The following PTPRN2 variants were observed in gnomAD, a reference collection of about 807,000 sequenced individuals.
The protein encoded by PTPRN2 is receptor-type tyrosine-protein phosphatase N2.
Under a neutral mutation model 118.8 loss-of-function variants are expected in PTPRN2, and 74 were observed. That is an observed-to-expected ratio of 0.62 (90% CI 0.52 to 0.76). The LOEUF is 0.76. Among genes scored for constraint, PTPRN2 ranks in the 30% least tolerant of loss-of-function variants. PTPRN2 has a pLI of 0.00. For missense variants in PTPRN2, 1,481 were observed against 1,394.4 expected (o/e 1.06, Z -0.99); for synonymous variants, 641 against 608.0 (o/e 1.05, Z -0.80).
chr7:157,730,157 G>A (rs919514169), intron 12 of PTPRN2, among the ~76,000 whole-genome samples: 58 of 151,522 alleles, frequency 3.8e-4, no homozygotes, highest in East Asian at 1.4e-3. Context: ...CCTGGGGATG[G>A]CACCTGAGTC....
chr7:157,737,070 T>C (rs1396144870), intron 12 of PTPRN2, among the ~76,000 whole-genome samples: 1 of 152,204 alleles, frequency 6.6e-6, no homozygotes, highest in African/African-American at 2.4e-5. Flanking sequence ...ACACCAGGCG[T>C]CTTGGATAAA....
chr7:157,564,635 T>C (rs1381092611), intron 21 of PTPRN2, among the ~76,000 whole-genome samples: 1 of 152,260 alleles, frequency 6.6e-6, no homozygotes, highest in Non-Finnish European at 1.5e-5. Flanking sequence ...ACTTGAAATG[T>C]CTGTTTTGCT....
At chr7:157,947,879 G>A (rs1800582551) in intron 11 of PTPRN2, among the ~76,000 whole-genome samples, 1 of 152,178 alleles carries the variant, frequency 6.6e-6, no homozygotes, top group Admixed American at 6.5e-5. Context: ...AAACCATGGA[G>A]GCCTGAAGGC....
At chr7:157,582,388 G>C (rs756378143) in intron 17 of PTPRN2, among the ~76,000 whole-genome samples, 1 of 152,208 alleles carries the variant, frequency 6.6e-6, no homozygotes, top group African/African-American at 2.4e-5. Flanking sequence ...TGGCCCGCAC[G>C]TATGTGAAAA....
chr7:157,973,560 A>G (rs545043500), intron 11 of PTPRN2, among the ~76,000 whole-genome samples: 258 of 152,324 alleles, frequency 1.7e-3, no homozygotes, highest in African/African-American at 5.9e-3. Flanking sequence ...AGCTGTCTAC[A>G]TGAGACACAG....
intron 3 of PTPRN2, among the ~76,000 whole-genome samples, chr7:158,307,113 C>A (rs962569521): frequency 6.6e-6 from 1 of 151,982 alleles, no homozygotes; most frequent in African/African-American, 2.4e-5. Flanking sequence ...GTGATCCACC[C>A]GCCTCGGCCT....
intron 11 of PTPRN2, among the ~76,000 whole-genome samples, chr7:158,047,806 C>G (rs1808996969): frequency 1.3e-5 from 2 of 152,218 alleles, no homozygotes; most frequent in Non-Finnish European, 2.9e-5. Context: ...AAGCACAGAG[C>G]AACATGCAGC....
At chr7:158,203,123 T>G (rs527983861) in intron 4 of PTPRN2, among the ~76,000 whole-genome samples, 117 of 148,118 alleles carry the variant, frequency 7.9e-4, no homozygotes, top group Middle Eastern at 7.3e-3. Flanking sequence ...TCCCAGCTAC[T>G]CAGGAGGCTG....
chr7:157,566,890 C>CT (rs1374002375), intron 21 of PTPRN2, among the ~76,000 whole-genome samples: 2 of 152,258 alleles, frequency 1.3e-5, no homozygotes, highest in African/African-American at 4.8e-5. Context: ...GTCCGGCCGC[C>CT]TGCCTGTGCT....
chr7:158,484,500 T>G (rs560055250), intron 2 of PTPRN2, among the ~76,000 whole-genome samples: 2 of 152,256 alleles, frequency 1.3e-5, no homozygotes, highest in East Asian at 3.9e-4. Context: ...GTAGCTGGGA[T>G]CACAGGCACG....
At chr7:158,392,653 G>A (rs1195515280) in intron 2 of PTPRN2, among the ~76,000 whole-genome samples, 1 of 152,186 alleles carries the variant, frequency 6.6e-6, no homozygotes, top group Non-Finnish European at 1.5e-5. Context: ...ACACATTGTA[G>A]ATCAATGTGT....
At position 157,953,579 on chromosome 7, in the gene PTPRN2, G is replaced by A. The variant is rs79644796; in HGVS notation, c.1724-54842C>T. On this transcript the variant is annotated intron_variant, in intron 11 of 22. Transcript: ENST00000389418. This position sits in a 1 kb window ranked among gnomAD's most constrained non-coding sequence, Gnocchi z 4.6. Reference sequence around the variant, plus strand: ...GGATCCACATGGCTGGAGGTCCGGTGTCCCTAAAGACTTCTATGACATCCT... The same window carrying A: ...GGATCCACATGGCTGGAGGTCCGGTATCCCTAAAGACTTCTATGACATCCT... Among the ~76,000 whole-genome samples, 1,689 of 152,238 alleles carry A rather than the reference G, an allele frequency of 0.011. 49 individuals are homozygous for A. Among genetic ancestry groups the A allele is most frequent in the African/African-American group, 0.039 (1,617 of 41,534 alleles).
chr7:157,888,497 C>T (rs1241280031), intron 12 of PTPRN2, among the ~76,000 whole-genome samples: 3 of 152,132 alleles, frequency 2.0e-5, no homozygotes, highest in East Asian at 1.9e-4. Flanking sequence ...CTCCAGGGGC[C>T]CCGTCAGGAA....
Position 158,546,106 on chromosome 7 carries a change from C to T in PTPRN2, c.112+41452G>A, listed in dbSNP as rs188609831. 9.5e-4 allele frequency among the ~76,000 whole-genome samples: 145 copies of T among 152,288 alleles called. 1 individual carries two copies. Among genetic ancestry groups the T allele is most frequent in the African/African-American group, 3.2e-3 (133 of 41,570 alleles). Reference sequence around the variant, plus strand: ...AAACTGGGCCAACGGCCCACAAACACGTGAGCCAGGTGAAGGGTCATGCAG... The same window carrying T: ...AAACTGGGCCAACGGCCCACAAACATGTGAGCCAGGTGAAGGGTCATGCAG... On this transcript the variant is annotated intron_variant, in intron 1 of 22. Transcript: ENST00000389418. The surrounding 1 kb of genome is among the most constrained non-coding windows in gnomAD (Gnocchi z 5.0).
At chr7:157,748,747 G>A (rs1218797567) in intron 12 of PTPRN2, among the ~76,000 whole-genome samples, 59 of 92,556 alleles carry the variant, frequency 6.4e-4, no homozygotes, top group Middle Eastern at 6.6e-3. Flanking sequence ...TGGGCTGTCC[G>A]GGTGATTCTG....
At chr7:157,701,851 G>C (rs1448515714) in intron 12 of PTPRN2, among the ~76,000 whole-genome samples, 1 of 148,426 alleles carries the variant, frequency 6.7e-6, no homozygotes, top group Non-Finnish European at 1.5e-5. Flanking sequence ...AAGCCCGGTC[G>C]GTGCTGGTGT....
intron 4 of PTPRN2, among the ~76,000 whole-genome samples, chr7:158,194,167 GGT>G (rs1046743666): frequency 1.4e-4 from 22 of 152,274 alleles, no homozygotes; most frequent in African/African-American, 5.3e-4. Context: ...GTGTGTGAGG[GGT>G]GTGAGTGCGT....
At chr7:158,448,675 A>G (rs971342250) in intron 2 of PTPRN2, among the ~76,000 whole-genome samples, 5 of 152,192 alleles carry the variant, frequency 3.3e-5, no homozygotes, top group Non-Finnish European at 7.4e-5. Flanking sequence ...AGCTGAACTG[A>G]CAAGTGTTCC....
Position 158,151,514 on chromosome 7 carries a change from T to TGCCTCTCCCTGCC in PTPRN2, c.911-13000_911-12999insGGCAGGGAGAGGC, listed in dbSNP as rs1563522262. ...CCCACACCGCCCGCCTTTCTGCTCC[T>TGCCTCTCCCTGCC]CACCGCACGTCCTACTCCAGGCGAT... is the stretch of plus-strand genomic sequence containing the variant. On this transcript the variant is annotated intron_variant, in intron 6 of 22. Transcript: ENST00000389418. Among the ~76,000 whole-genome samples, 519 of 146,130 alleles carry TGCCTCTCCCTGCC rather than the reference T, an allele frequency of 3.6e-3. 24 individuals are homozygous for TGCCTCTCCCTGCC. The highest frequency in any genetic ancestry group is 4.1e-3 in the African/African-American group (162 of 39,960).
Sources: allele counts gnomAD v4.1 joint callset (sites outside exome capture counted in the v4.1 genomes callset), GRCh38; gene constraint gnomAD v4.1.1; non-coding constraint Gnocchi (gnomAD v3.1); transcripts MANE v1.5; gene names NCBI Gene and HGNC (gene_info 2026-07-23, HGNC 2026-07-21).